RBFOX1: variants seen among roughly 807,000 people sequenced by gnomAD.
The protein encoded by RBFOX1 is RNA binding protein fox-1 homolog 1.
RBFOX1 carries 8 observed loss-of-function variants against 57.7 expected under a neutral mutation model. The ratio of observed to expected loss-of-function variants is 0.14; its 90% confidence interval spans 0.08 to 0.25. The LOEUF (loss-of-function observed/expected upper bound fraction) is 0.25. Among genes scored for constraint, RBFOX1 ranks in the 10% least tolerant of loss-of-function variants. The pLI is 1.00. For synonymous variants in RBFOX1, 326 were observed against 222.4 expected (o/e 1.47, Z -4.15); for missense variants, 611 against 548.5 (o/e 1.11, Z -1.14).
intron 1 of RBFOX1, among the ~76,000 whole-genome samples, chr16:5,455,948 G>T (rs753667744): frequency 6.6e-6 from 1 of 151,976 alleles, no homozygotes; most frequent in Admixed American, 6.6e-5. Context: ...TTTTTATCAG[G>T]CATTGTTCTA....
At chr16:6,862,582 A>C (rs968420739) in intron 3 of RBFOX1, among the ~76,000 whole-genome samples, 5 of 152,240 alleles carry the variant, frequency 3.3e-5, no homozygotes, top group Non-Finnish European at 5.9e-5. Context: ...GGAAGAAAAG[A>C]GAGTTCATGT....
intron 3 of RBFOX1, among the ~76,000 whole-genome samples, chr16:6,822,784 G>C (rs576075656): frequency 2.0e-4 from 30 of 152,326 alleles, no homozygotes; most frequent in African/African-American, 7.0e-4. Context: ...ACAAGCGCGA[G>C]TATGGTCTGA....
At chr16:7,676,747 T>C (rs781519377) in intron 13 of RBFOX1, 27 bp from the exon 14 acceptor site, 173 of 1,600,118 alleles carry the variant, frequency 1.1e-4, no homozygotes, top group Non-Finnish European at 1.5e-4. Context: ...GCTACATTCC[T>C]GAGTCACATT....
chr16:6,378,612 G>A (rs973704426), intron 2 of RBFOX1, among the ~76,000 whole-genome samples: 1 of 152,128 alleles, frequency 6.6e-6, no homozygotes, highest in African/African-American at 2.4e-5. Flanking sequence ...CAGGGCCTTT[G>A]CAATGTCCAC....
chr16:7,088,724 A>G (rs1050906819), intron 4 of RBFOX1, among the ~76,000 whole-genome samples: 1 of 152,194 alleles, frequency 6.6e-6, no homozygotes, highest in African/African-American at 2.4e-5. Context: ...TTAGCCAATA[A>G]AGAGCATGTG....
At chr16:5,948,948 A>G (rs1369297633) in intron 4 of RBFOX1, among the ~76,000 whole-genome samples, 3 of 152,122 alleles carry the variant, frequency 2.0e-5, no homozygotes, top group Admixed American at 6.5e-5. Context: ...ATGATTTCGT[A>G]TTATTTTACC....
chr16:6,965,781 C>G (rs140560797), intron 3 of RBFOX1, among the ~76,000 whole-genome samples: 93 of 152,278 alleles, frequency 6.1e-4, no homozygotes, highest in Admixed American at 1.1e-3. Flanking sequence ...ATAGCAAGTA[C>G]TCACTTAGGT....
rs1330069054 is a variant in RBFOX1, at chr16:5,560,248, A to AAAGCACTTAGTCACCTCCTCCAGG, written c.259-38615_259-38592dup. ...TCAGCTCATATGTCACTTCCTCCAGAAAGCACTTAGTCACCTCCTCCAGGA... is the reference window on the plus strand; with the variant it reads ...TCAGCTCATATGTCACTTCCTCCAGAAAGCACTTAGTCACCTCCTCCAGGAAGCACTTAGTCACCTCCTCCAGGA... On this transcript the variant is annotated intron_variant, in intron 2 of 2. Transcript: ENST00000585867. Among the ~76,000 whole-genome samples, 707 of 151,278 alleles carry AAAGCACTTAGTCACCTCCTCCAGG rather than the reference A, an allele frequency of 4.7e-3. 24 individuals are homozygous for AAAGCACTTAGTCACCTCCTCCAGG. Among genetic ancestry groups the AAAGCACTTAGTCACCTCCTCCAGG allele is most frequent in the African/African-American group, 0.016 (664 of 40,722 alleles).
At chr16:5,725,416 TTTA>T (rs1176654916) in intron 3 of RBFOX1, among the ~76,000 whole-genome samples, 2 of 151,674 alleles carry the variant, frequency 1.3e-5, no homozygotes, top group African/African-American at 2.4e-5. Flanking sequence ...GCTAATTGCT[TTTA>T]TTATTATTAT....
At chr16:5,321,667 T>C (rs1048422460) in intron 1 of RBFOX1, among the ~76,000 whole-genome samples, 3 of 152,058 alleles carry the variant, frequency 2.0e-5, no homozygotes. Context: ...GATTCTGCAG[T>C]AGATAGGGGA....
chr16:6,585,816 G>A (rs2097604188), intron 2 of RBFOX1, among the ~76,000 whole-genome samples: 1 of 152,038 alleles, frequency 6.6e-6, no homozygotes, highest in South Asian at 2.1e-4. Context: ...TTGACAATTT[G>A]TGTAGGGGTC....
intron 3 of RBFOX1, among the ~76,000 whole-genome samples, chr16:6,998,277 C>T (rs1239305139): frequency 6.6e-6 from 1 of 152,150 alleles, no homozygotes; most frequent in Non-Finnish European, 1.5e-5. Context: ...GTTCTAGAAA[C>T]TGGCTTAGGA....
chr16:6,842,191 T>C (rs1445318798), intron 3 of RBFOX1, among the ~76,000 whole-genome samples: 3 of 150,074 alleles, frequency 2.0e-5, no homozygotes, highest in African/African-American at 7.4e-5. Context: ...AATAAATAAA[T>C]TGGAACTGAG....
chr16:7,504,759 A>ATT (rs2072503264), intron 4 of RBFOX1, among the ~76,000 whole-genome samples: 4 of 8,680 alleles, frequency 4.6e-4, no homozygotes, highest in Non-Finnish European at 1.2e-3. Context: ...ATATATTTAT[A>ATT]TATATATATA....
Position 5,867,911 on chromosome 16 carries a change from C to T in RBFOX1, c.351+576C>T, listed in dbSNP as rs572615298. ...GTTTTTAGTAGAGACAGGGTTTCAC[C>T]ATGTTGACCAAGCTGGTCTCAAACT... On this transcript the variant is annotated intron_variant, in intron 4 of 19. Transcript: ENST00000641259. 1.5e-3 allele frequency among the ~76,000 whole-genome samples: 227 copies of T among 152,152 alleles called. 3 individuals carry two copies. Among genetic ancestry groups the T allele is most frequent in the Middle Eastern group, 0.014 (4 of 294 alleles).
chr16:7,141,538 ATTTTAT>A (rs960490083), intron 4 of RBFOX1, among the ~76,000 whole-genome samples: 1 of 152,108 alleles, frequency 6.6e-6, no homozygotes, highest in Non-Finnish European at 1.5e-5. Context: ...GATCATTGTT[ATTTTAT>A]TTTTATTTTT....
intron 2 of RBFOX1, among the ~76,000 whole-genome samples, chr16:6,340,609 C>T (rs1340185907): frequency 6.6e-6 from 1 of 152,150 alleles, no homozygotes; most frequent in Non-Finnish European, 1.5e-5. Context: ...ACTGTCATGG[C>T]ACTGGTGGGA....
chr16:7,098,171 TTTTA>T lies in RBFOX1; in HGVS notation c.27+46086_27+46089del, dbSNP rs1265911022. Among the ~76,000 whole-genome samples the T allele has an allele frequency of 2.0e-5, 3 of 152,220 alleles. No homozygotes were observed. In the East Asian group the frequency reaches 5.8e-4, roughly 29 times the overall value. ...ATGGAAGGGACAAAAAGTTTTTTAT[TTTTA>T]TTTATTTATTTAGAGACAGAGTCTA... On this transcript the variant is annotated intron_variant, in intron 4 of 15. Coordinates refer to ENST00000550418, the MANE Select transcript of RBFOX1 (RefSeq NM_018723.4).
At chr16:5,523,543 G>A (rs560809567) in intron 2 of RBFOX1, among the ~76,000 whole-genome samples, 23 of 152,322 alleles carry the variant, frequency 1.5e-4, no homozygotes, top group Non-Finnish European at 2.9e-4. Context: ...CTGAGCCCAG[G>A]ATGGTTGAGA....
Sources: allele counts gnomAD v4.1 joint callset (sites outside exome capture counted in the v4.1 genomes callset), GRCh38; gene constraint gnomAD v4.1.1; transcripts MANE v1.5; gene names NCBI Gene and HGNC (gene_info 2026-07-23, HGNC 2026-07-21).